ABLIM2: variants seen among roughly 807,000 people sequenced by gnomAD.
ABLIM2 encodes actin binding LIM protein family member 2.
A neutral mutation model predicts 97.7 loss-of-function variants in ABLIM2; 53 were observed. The ratio of observed to expected loss-of-function variants is 0.54; its 90% CI spans 0.44 to 0.68. The LOEUF is 0.68. Among genes scored for constraint, ABLIM2 ranks in the 30% least tolerant of loss-of-function variants. The pLI, the probability that ABLIM2 is intolerant of heterozygous loss-of-function variation, is 0.00. For missense variants in ABLIM2, 835 were observed against 867.2 expected (o/e 0.96, Z 0.47); for synonymous variants, 361 against 345.8 (o/e 1.04, Z -0.49).
intron 16 of ABLIM2, among the ~76,000 whole-genome samples, chr4:8,006,720 G>A (rs532060735): frequency 5.9e-5 from 9 of 152,192 alleles, no homozygotes; most frequent in South Asian, 2.1e-4. Flanking sequence ...GAGAGGGACC[G>A]GAGGACTGGC....
At position 8,149,277 on chromosome 4, in the gene ABLIM2, C is replaced by T. The variant is rs1007331929; in HGVS notation, c.10+9403G>A. Among the ~76,000 whole-genome samples, 2 of 152,166 alleles carry T rather than the reference C, an allele frequency of 1.3e-5. No individual in the cohort carries two copies. Among genetic ancestry groups the T allele is most frequent in the Non-Finnish European group, 2.9e-5 (2 of 68,026 alleles). On this transcript the variant is annotated intron_variant, in intron 1 of 20. Transcript: ENST00000447017. This position sits in a 1 kb window ranked among gnomAD's most constrained non-coding sequence, Gnocchi z 6.4. ...AGAGCAGTCTCCCTGTGGCAAAATC[C>T]TTCACATAGTCGCATATGAACAGTC...
chr4:8,143,887 T>TG (rs543788696), intron 1 of ABLIM2, among the ~76,000 whole-genome samples: 178 of 152,240 alleles, frequency 1.2e-3, no homozygotes, highest in African/African-American at 4.1e-3. Flanking sequence ...TGCAGCAGGC[T>TG]GGGGGGTCTT....
intron 20 of ABLIM2, among the ~76,000 whole-genome samples, chr4:7,976,398 G>A (rs898638591): frequency 1.3e-5 from 2 of 152,130 alleles, no homozygotes; most frequent in South Asian, 4.1e-4. Context: ...CTGCCTCTAC[G>A]CAGCCAATCT....
intron 1 of ABLIM2, among the ~76,000 whole-genome samples, chr4:8,138,264 G>T (rs2386118): frequency 6.6e-6 from 1 of 152,134 alleles, no homozygotes; most frequent in Admixed American, 6.5e-5. Flanking sequence ...TCATTCAACC[G>T]TGTGAATGGA....
At position 8,054,142 on chromosome 4, in the gene ABLIM2, A is replaced by G; in HGVS notation, c.822+46T>C. 2 of 1,591,620 alleles carry G rather than the reference A, an allele frequency of 1.3e-6. No homozygotes were observed. The highest frequency in any genetic ancestry group is 1.7e-6 in the Non-Finnish European group (2 of 1,159,502). On this transcript the variant is annotated intron_variant, in intron 8 of 20. Transcript: ENST00000447017. The surrounding 1 kb of genome is among the most constrained non-coding windows in gnomAD (Gnocchi z 4.9). The stretch of plus-strand genomic sequence containing the variant: ...CCTCTTAACTGTACAAAGATGGTGC[A>G]GGAGCAGTGAAGGGTACATCAGAGA...
intron 9 of ABLIM2, among the ~76,000 whole-genome samples, chr4:8,036,609 T>A (rs1262622552): frequency 1.3e-5 from 2 of 152,200 alleles, no homozygotes; most frequent in East Asian, 3.8e-4. Flanking sequence ...GCAGGCAGGC[T>A]TGGGTCCTGA....
intron 5 of ABLIM2, among the ~76,000 whole-genome samples, chr4:8,080,435 G>T (rs888435185): frequency 6.6e-6 from 1 of 152,212 alleles, no homozygotes; most frequent in Admixed American, 6.5e-5. Context: ...AAAAGGAGCC[G>T]GATGCTGCAA....
rs1852219760 is a variant in ABLIM2 at position 8,148,662 on chromosome 4, A to G, written c.10+10018T>C. ...CCGTTCCCCCGTGGGCATGCACAGC[A>G]GAGTCCTGCTTGCCTGGAAGCAAAT... On this transcript the variant is annotated intron_variant, in intron 1 of 20. Transcript: ENST00000447017. This position sits in a 1 kb window ranked among gnomAD's most constrained non-coding sequence, Gnocchi z 6.7. Among the ~76,000 whole-genome samples the G allele has an allele frequency of 6.6e-6, 1 of 152,178 alleles. No homozygotes were observed. The highest frequency in any genetic ancestry group is 1.5e-5 in the Non-Finnish European group (1 of 68,008).
At chr4:8,031,749 G>A (rs1401054649) in intron 10 of ABLIM2, among the ~76,000 whole-genome samples, 2 of 149,250 alleles carry the variant, frequency 1.3e-5, no homozygotes, top group Non-Finnish European at 3.0e-5. Flanking sequence ...TTTTGAGATG[G>A]AGTCTCGCTC....
intron 1 of ABLIM2, among the ~76,000 whole-genome samples, chr4:8,121,253 C>T (rs934812422): frequency 1.5e-4 from 23 of 152,334 alleles, no homozygotes; most frequent in Admixed American, 1.5e-3. Flanking sequence ...CAGGTGGGGG[C>T]TTCCTTCCAG....
intron 1 of ABLIM2, among the ~76,000 whole-genome samples, chr4:8,139,578 G>A (rs946981704): frequency 6.6e-6 from 1 of 152,148 alleles, no homozygotes; most frequent in Non-Finnish European, 1.5e-5. Flanking sequence ...TCAGAATGGC[G>A]ATTATTAAAA....
intron 1 of ABLIM2, among the ~76,000 whole-genome samples, chr4:8,144,055 G>A (rs1442629679): frequency 1.3e-5 from 2 of 152,218 alleles, no homozygotes; most frequent in African/African-American, 4.8e-5. Flanking sequence ...CAATGCCAAG[G>A]AGGGGCCGGC....
chr4:8,032,714 C>T lies in ABLIM2; in HGVS notation c.1048-2938G>A, dbSNP rs767558180. On this transcript the variant is annotated intron_variant, in intron 10 of 20. Coordinates refer to ENST00000447017, the MANE Select transcript of ABLIM2 (RefSeq NM_001130083.2). This position sits in a 1 kb window ranked among gnomAD's most constrained non-coding sequence, Gnocchi z 4.3. ...ACAACACACAAAGTGGCCATTAGTG[C>T]TGGCGCCAGGCAGAGAGGGAGGAGG... The T allele has an allele frequency of 1.4e-5, 22 of 1,611,844 alleles. No homozygotes were observed. The highest frequency in any genetic ancestry group is 1.1e-4 in the East Asian group (5 of 44,882).
intron 1 of ABLIM2, among the ~76,000 whole-genome samples, chr4:8,153,406 C>T (rs1713780528): frequency 6.6e-6 from 1 of 152,180 alleles, no homozygotes. Context: ...GGAAGGAACC[C>T]TGCACATCAC....
At chr4:8,014,256 A>G (rs1767153492) in intron 14 of ABLIM2, among the ~76,000 whole-genome samples, 1 of 152,230 alleles carries the variant, frequency 6.6e-6, no homozygotes, top group Admixed American at 6.5e-5. Context: ...CCGGGGTTTC[A>G]TCCCTTAGGC....
intron 6 of ABLIM2, among the ~76,000 whole-genome samples, chr4:8,076,091 C>G (rs1218601077): frequency 6.6e-6 from 1 of 152,256 alleles, no homozygotes; most frequent in Non-Finnish European, 1.5e-5. Flanking sequence ...GCAGAGCTCT[C>G]TGCAGGGCCA....
At chr4:8,086,699 C>G (rs555855032) in intron 4 of ABLIM2, among the ~76,000 whole-genome samples, 1 of 152,278 alleles carries the variant, frequency 6.6e-6, no homozygotes, top group Non-Finnish European at 1.5e-5. Context: ...CTGTTCAAAA[C>G]TGATCTCCCC....
rs1191037947 is a variant in ABLIM2, at chr4:8,032,627, A to G, written c.1048-2851T>C. ...CAGCAGCGCCACGGCAAGCGGGGAC[A>G]GGCGAGAGGGTGGTGGTTACCTCGG... On this transcript the variant is annotated intron_variant, in intron 10 of 20. Transcript: ENST00000447017. This position sits in a 1 kb window ranked among gnomAD's most constrained non-coding sequence, Gnocchi z 4.3. The G allele has an allele frequency of 1.9e-6, 3 of 1,612,282 alleles. No homozygotes were observed. The highest frequency in any genetic ancestry group is 2.2e-5 in the South Asian group (2 of 91,072).
rs907306777 is a variant in ABLIM2 at position 8,022,058 on chromosome 4, C to T, written c.1268-1755G>A. ...ACTCACGTGCCCGGAAAGGACACCG[C>T]GGATCCCTCCTACCGACTACGGCTG... On this transcript the variant is annotated intron_variant, in intron 12 of 20. Transcript: ENST00000447017. This position sits in a 1 kb window ranked among gnomAD's most constrained non-coding sequence, Gnocchi z 7.8. Among the ~76,000 whole-genome samples the T allele has an allele frequency of 1.3e-5, 2 of 152,182 alleles. No individual in the cohort carries two copies. Among genetic ancestry groups the T allele is most frequent in the South Asian group, 2.1e-4 (1 of 4,826 alleles).
Sources: gnomAD v4.1 joint callset for allele counts (sites outside exome capture counted in the v4.1 genomes callset) on GRCh38, gnomAD v4.1.1 for gene constraint, Gnocchi (gnomAD v3.1) non-coding constraint, MANE v1.5 for transcripts, NCBI Gene and HGNC (gene_info 2026-07-23, HGNC 2026-07-21) for gene names.